DSTN: variants seen among roughly 807,000 people sequenced by gnomAD.
DSTN encodes destrin.
DSTN carries 10 observed loss-of-function variants against 16.8 expected under a neutral mutation model. The ratio of observed to expected loss-of-function variants is 0.60; its 90% CI spans 0.37 to 1.01. DSTN has a LOEUF of 1.01. Among genes scored for constraint, DSTN ranks in the 50% least tolerant of loss-of-function variants. DSTN has a pLI of 0.01. For synonymous variants in DSTN, 57 were observed against 58.9 expected (o/e 0.97, Z 0.14); for missense variants, 141 against 196.7 (o/e 0.72, Z 1.69).
chr20:17,581,298 T>G (rs12624340), intron 1 of DSTN, among the ~76,000 whole-genome samples: 2 of 152,020 alleles, frequency 1.3e-5, no homozygotes, highest in African/African-American at 4.8e-5. Context: ...CTGGGCAACA[T>G]AGAGAGAACC....
chr20:17,581,739 AAAAC>A (rs1283383389), intron 1 of DSTN, among the ~76,000 whole-genome samples: 1 of 152,228 alleles, frequency 6.6e-6, no homozygotes, highest in Non-Finnish European at 1.5e-5. Flanking sequence ...TAAAAGAACT[AAAAC>A]AAAATAGTTT....
At chr20:17,583,193 C>T (rs952421747) in intron 1 of DSTN, among the ~76,000 whole-genome samples, 2 of 152,154 alleles carry the variant, frequency 1.3e-5, no homozygotes, top group African/African-American at 4.8e-5. Context: ...ATTATTGTAG[C>T]AAATGTTGGC....
At chr20:17,591,129 C>T (rs545436357) in intron 1 of DSTN, among the ~76,000 whole-genome samples, 15 of 152,052 alleles carry the variant, frequency 9.9e-5, no homozygotes, top group Non-Finnish European at 7.4e-5. Context: ...AGAAAAACCA[C>T]GGAAATACTG....
At chr20:17,601,082 C>G (rs1468388632) in intron 2 of DSTN, 37 bp downstream of exon 2, 4 of 1,541,556 alleles carry the variant, frequency 2.6e-6, no homozygotes, top group Non-Finnish European at 3.5e-6. Context: ...CTGTAAAACT[C>G]ATTTTGTTAG....
intron 2 of DSTN, among the ~76,000 whole-genome samples, chr20:17,604,094 A>G (rs1232355132): frequency 6.6e-6 from 1 of 152,198 alleles, no homozygotes; most frequent in Non-Finnish European, 1.5e-5. Context: ...GGTCACACGT[A>G]CTTACGGATT....
At chr20:17,604,485 A>C (rs1005513994) in intron 2 of DSTN, 70 bp from the exon 3 acceptor site, 2 of 1,467,748 alleles carry the variant, frequency 1.4e-6, no homozygotes, top group East Asian at 2.3e-5. Flanking sequence ...TACACAAGCA[A>C]ATGTTTAACA....
At chr20:17,589,219 C>CT (rs1025807635) in intron 1 of DSTN, among the ~76,000 whole-genome samples, 81 of 146,404 alleles carry the variant, frequency 5.5e-4, no homozygotes, top group Admixed American at 1.2e-3. Flanking sequence ...CCTCCCCCTA[C>CT]TTTTTTTTTT....
chr20:17,597,737 A>G (rs1457870988), intron 1 of DSTN, among the ~76,000 whole-genome samples: 1 of 152,212 alleles, frequency 6.6e-6, no homozygotes, highest in Non-Finnish European at 1.5e-5. Flanking sequence ...AGTACAGTTC[A>G]ATTCAGTGGT....
At chr20:17,571,800 A>C (rs572133741) in intron 1 of DSTN, among the ~76,000 whole-genome samples, 2 of 152,342 alleles carry the variant, frequency 1.3e-5, no homozygotes, top group South Asian at 4.1e-4. Flanking sequence ...TTTTAGTTAA[A>C]GCTTAACTAA....
chr20:17,593,665 C>T (rs1331800351), intron 1 of DSTN, among the ~76,000 whole-genome samples: 1 of 152,132 alleles, frequency 6.6e-6, no homozygotes, highest in Admixed American at 6.5e-5. Flanking sequence ...ATAGTATGAG[C>T]AAAGGCCCTG....
intron 1 of DSTN, among the ~76,000 whole-genome samples, chr20:17,571,757 G>A (rs2035209691): frequency 6.6e-6 from 1 of 152,096 alleles, no homozygotes; most frequent in African/African-American, 2.4e-5. Flanking sequence ...GAAAATAAGA[G>A]ACCAAACATT....
At chr20:17,580,781 G>C (rs977185422) in intron 1 of DSTN, among the ~76,000 whole-genome samples, 32 of 152,126 alleles carry the variant, frequency 2.1e-4, no homozygotes, top group African/African-American at 6.5e-4. Context: ...TACTGGAAGA[G>C]TTGGGCTACT....
At chr20:17,595,338 T>G (rs2035514759) in intron 1 of DSTN, among the ~76,000 whole-genome samples, 1 of 152,168 alleles carries the variant, frequency 6.6e-6, no homozygotes, top group South Asian at 2.1e-4. Flanking sequence ...AATAGAATCT[T>G]TCAGACACAA....
intron 1 of DSTN, among the ~76,000 whole-genome samples, chr20:17,598,975 C>G (rs999804160): frequency 6.6e-6 from 1 of 152,140 alleles, no homozygotes; most frequent in Admixed American, 6.5e-5. Context: ...TAGTTTTCTA[C>G]CCAAGAGAAT....
At chr20:17,574,725 C>CAAA (rs775060379) in intron 1 of DSTN, among the ~76,000 whole-genome samples, 1,484 of 52,244 alleles carry the variant, frequency 0.028, 107 homozygotes, top group African/African-American at 0.07. Flanking sequence ...GACTCAGTCT[C>CAAA]AAAAAAAAAA....
chr20:17,577,498 C>T (rs898467302), intron 1 of DSTN, among the ~76,000 whole-genome samples: 9 of 151,214 alleles, frequency 6.0e-5, no homozygotes, highest in African/African-American at 1.9e-4. Context: ...ACCTGGGAGG[C>T]GGAGGTTGTG....
chr20:17,591,895 T>C (rs2035473031), intron 1 of DSTN: 1 of 985,434 alleles, frequency 1.0e-6, no homozygotes, highest in East Asian at 1.1e-4. Flanking sequence ...GTTACTTTAA[T>C]CATTGTCTTC....
rs2035179028 is a variant in DSTN at position 17,570,137 on chromosome 20, T to C, written c.-72T>C. 1.3e-6 allele frequency: 2 copies of C among 1,510,276 alleles called. No individual in the cohort carries two copies. The highest frequency in any genetic ancestry group is 5.5e-5 in the East Asian group (2 of 36,320). 93.6% of individuals were successfully genotyped at this position (1,510,276 alleles called of 1,614,324 possible). A position where few individuals can be genotyped will look rare whatever the true frequency, so the allele number is the denominator to read the frequency against. On this transcript the variant is annotated 5_prime_UTR_variant, in exon 1 of 4. Coordinates refer to ENST00000246069, the MANE Select transcript of DSTN (RefSeq NM_006870.4). Reference sequence around the variant, plus strand: ...GCTGGGTCTCTCGGTCCCGCAGCCGTGAGGAGGACGGTCTGCATACTCGCT... The same window carrying C: ...GCTGGGTCTCTCGGTCCCGCAGCCGCGAGGAGGACGGTCTGCATACTCGCT...
chr20:17,602,162 A>G (rs73898356), intron 2 of DSTN, among the ~76,000 whole-genome samples: 3,589 of 152,294 alleles, frequency 0.024, 124 homozygotes, highest in African/African-American at 0.082. Flanking sequence ...GATTAAACCA[A>G]GTTGCTGTGA....
Sources: gnomAD v4.1 joint callset for allele counts (sites outside exome capture counted in the v4.1 genomes callset) on GRCh38, gnomAD v4.1.1 for gene constraint, MANE v1.5 for transcripts, NCBI Gene and HGNC (gene_info 2026-07-23, HGNC 2026-07-21) for gene names.